The following RORA variants were observed in gnomAD, a reference collection of about 807,000 sequenced individuals.
RORA encodes nuclear receptor ROR-alpha.
Under a neutral mutation model 69.5 loss-of-function variants are expected in RORA, and 7 were observed. That is an observed-to-expected ratio of 0.10 (90% CI 0.06 to 0.19). The LOEUF (loss-of-function observed/expected upper bound fraction) is 0.19, where lower values mean the gene tolerates loss of function less well. Ranked by LOEUF, RORA falls within the 10% of genes least tolerant of loss-of-function variation. The pLI, the probability that RORA is intolerant of heterozygous loss-of-function variation, is 1.00. For missense variants in RORA, 457 were observed against 663.0 expected (o/e 0.69, Z 3.41); for synonymous variants, 261 against 240.8 (o/e 1.08, Z -0.78).
At chr15:61,035,881 A>G (rs1896434295) in intron 1 of RORA, among the ~76,000 whole-genome samples, 1 of 152,178 alleles carries the variant, frequency 6.6e-6, no homozygotes, top group Admixed American at 6.6e-5. Context: ...TAATTCTACA[A>G]ATGATCTAAT....
chr15:60,746,088 A>G (rs896504071), intron 1 of RORA, among the ~76,000 whole-genome samples: 1 of 152,146 alleles, frequency 6.6e-6, no homozygotes, highest in African/African-American at 2.4e-5. Flanking sequence ...ATATCATAGT[A>G]TTTCCTGTGG....
At chr15:60,937,565 T>C (rs140981768) in intron 1 of RORA, among the ~76,000 whole-genome samples, 1 of 152,360 alleles carries the variant, frequency 6.6e-6, no homozygotes, top group Non-Finnish European at 1.5e-5. Context: ...GAAAAATGTA[T>C]GATTGGTCCT....
chr15:60,972,536 G>A (rs540061290), intron 1 of RORA, among the ~76,000 whole-genome samples: 1 of 152,254 alleles, frequency 6.6e-6, no homozygotes, highest in Admixed American at 6.5e-5. Flanking sequence ...TTCGTTATGA[G>A]TATGGCTGAG....
chr15:60,535,954 T>C (rs1167454645), intron 2 of RORA, among the ~76,000 whole-genome samples: 1 of 152,158 alleles, frequency 6.6e-6, no homozygotes, highest in Non-Finnish European at 1.5e-5. Context: ...AGACATCCCC[T>C]AAGTAGTTTG....
intron 3 of RORA, chr15:60,528,711 A>T (rs2066438822): frequency 6.6e-6 from 1 of 152,238 alleles, no homozygotes; most frequent in South Asian, 2.1e-4. Context: ...GACAATGATA[A>T]CAACAGCTAA....
At chr15:60,554,764 C>T (rs745736177) in intron 2 of RORA, among the ~76,000 whole-genome samples, 13 of 152,034 alleles carry the variant, frequency 8.6e-5, no homozygotes, top group South Asian at 4.1e-4. Context: ...ATGACACATA[C>T]GGTCACCTGT....
At chr15:60,979,069 C>G (rs1195779398) in intron 1 of RORA, among the ~76,000 whole-genome samples, 1 of 146,038 alleles carries the variant, frequency 6.8e-6, no homozygotes, top group Non-Finnish European at 1.5e-5. Flanking sequence ...TCACACCATT[C>G]TCCTGCCTCA....
intron 1 of RORA, among the ~76,000 whole-genome samples, chr15:61,169,352 G>A (rs2079565539): frequency 6.6e-6 from 1 of 151,762 alleles, no homozygotes; most frequent in Admixed American, 6.6e-5. Flanking sequence ...TCTGGAGCTT[G>A]GCTCTTTGGG....
At chr15:60,857,514 G>C (rs1790154315) in intron 1 of RORA, among the ~76,000 whole-genome samples, 1 of 152,116 alleles carries the variant, frequency 6.6e-6, no homozygotes, top group Non-Finnish European at 1.5e-5. Flanking sequence ...GACTGATGTT[G>C]CTTTCCGGGT....
At chr15:60,627,325 A>G in intron 2 of RORA, 2 of 1,613,992 alleles carry the variant, frequency 1.2e-6, no homozygotes, top group Non-Finnish European at 1.7e-6. Context: ...TGACCACGGC[A>G]CTCTTGCCTC....
chr15:60,603,827 G>A (rs894128402), intron 2 of RORA, among the ~76,000 whole-genome samples: 1 of 152,104 alleles, frequency 6.6e-6, no homozygotes, highest in Non-Finnish European at 1.5e-5. Context: ...TAAACAGTGA[G>A]ACTTATCAAC....
At chr15:61,048,975 C>A (rs990898261) in intron 1 of RORA, among the ~76,000 whole-genome samples, 13 of 152,188 alleles carry the variant, frequency 8.5e-5, no homozygotes, top group African/African-American at 3.1e-4. Flanking sequence ...CAAAGACTAT[C>A]CACGAATCCT....
intron 1 of RORA, among the ~76,000 whole-genome samples, chr15:60,977,993 G>T (rs1893925542): frequency 6.6e-6 from 1 of 152,150 alleles, no homozygotes; most frequent in African/African-American, 2.4e-5. Flanking sequence ...GAACTGCTGG[G>T]TCAAATGGTA....
chr15:60,759,282 G>A (rs1384481454), intron 1 of RORA, among the ~76,000 whole-genome samples: 1 of 152,190 alleles, frequency 6.6e-6, no homozygotes, highest in Non-Finnish European at 1.5e-5. Context: ...TATGTTTGAG[G>A]GTGGACAACA....
chr15:60,638,659 T>C (rs139475012), intron 2 of RORA, among the ~76,000 whole-genome samples: 49 of 152,350 alleles, frequency 3.2e-4, no homozygotes, highest in African/African-American at 1.1e-3. Context: ...GGTTGGGGAC[T>C]GGATGAAGTT....
intron 1 of RORA, among the ~76,000 whole-genome samples, chr15:61,169,066 G>A (rs901381585): frequency 2.6e-5 from 4 of 151,980 alleles, no homozygotes; most frequent in African/African-American, 4.8e-5. Flanking sequence ...TTGGGAACTT[G>A]CTGTATTCCC....
At chr15:61,011,563 G>A (rs943535249) in intron 1 of RORA, among the ~76,000 whole-genome samples, 2 of 152,006 alleles carry the variant, frequency 1.3e-5, no homozygotes, top group African/African-American at 4.8e-5. Context: ...TTTCTCAAGG[G>A]AGATATTGGC....
At chr15:60,981,670 T>C (rs555639069) in intron 1 of RORA, among the ~76,000 whole-genome samples, 2 of 152,312 alleles carry the variant, frequency 1.3e-5, no homozygotes, top group East Asian at 3.8e-4. Context: ...TTTATATCTC[T>C]TTATTGGTAT....
intron 1 of RORA, among the ~76,000 whole-genome samples, chr15:61,010,146 A>T (rs532796747): frequency 5.3e-5 from 8 of 152,356 alleles, no homozygotes; most frequent in Non-Finnish European, 8.8e-5. Context: ...TGGTGAGTTA[A>T]AAAGAAAGAC....
Sources: allele counts gnomAD v4.1 joint callset (sites outside exome capture counted in the v4.1 genomes callset), GRCh38; gene constraint gnomAD v4.1.1; transcripts MANE v1.5; gene names NCBI Gene and HGNC (gene_info 2026-07-23, HGNC 2026-07-21).